Variants in STXBP4 observed in about 807,000 individuals in gnomAD.
The protein encoded by STXBP4 is syntaxin binding protein 4.
STXBP4 carries 55 observed loss-of-function variants against 76.1 expected under a neutral mutation model. The observed-to-expected ratio is 0.72, with a 90% confidence interval of 0.58 to 0.91. The LOEUF (loss-of-function observed/expected upper bound fraction) is 0.91, where lower values mean the gene tolerates loss of function less well. STXBP4 is among the 40% of genes least tolerant of loss of function. The pLI is 0.00. For missense variants in STXBP4, 618 were observed against 636.9 expected (o/e 0.97, Z 0.32); for synonymous variants, 201 against 220.2 (o/e 0.91, Z 0.77).
intron 16 of STXBP4, among the ~76,000 whole-genome samples, chr17:55,113,498 A>G (rs1030344344): frequency 6.6e-6 from 1 of 152,106 alleles, no homozygotes; most frequent in Non-Finnish European, 1.5e-5. Flanking sequence ...GTGACTTTCT[A>G]GTGAGATGTG....
intron 8 of STXBP4, among the ~76,000 whole-genome samples, chr17:55,017,519 A>G (rs2078229757): frequency 6.6e-6 from 1 of 152,234 alleles, no homozygotes; most frequent in Admixed American, 6.5e-5. Flanking sequence ...CCTAGGAGGC[A>G]GGGATCAGAG....
chr17:55,135,172 A>G (rs987416053), intron 16 of STXBP4, among the ~76,000 whole-genome samples: 15 of 152,312 alleles, frequency 9.8e-5, no homozygotes, highest in African/African-American at 3.6e-4. Flanking sequence ...TGACAGATAA[A>G]GTAGACTGTG....
rs2077373999 is a variant in STXBP4 at position 54,970,274 on chromosome 17, A to G, written c.-157+1459A>G. On this transcript the variant is annotated intron_variant, in intron 1 of 17. Coordinates refer to ENST00000376352, the MANE Select transcript of STXBP4 (RefSeq NM_178509.6). ...AGCTATTGGAATGTTTGACACATAC[A>G]AGTGATGTGATCTGACTCACATTTT... is the stretch of plus-strand genomic sequence containing the variant. Among the ~76,000 whole-genome samples the G allele has an allele frequency of 1.3e-5, 2 of 152,216 alleles. 1 individual carries two copies. Among genetic ancestry groups the G allele is most frequent in the South Asian group, 4.1e-4 (2 of 4,830 alleles).
At chr17:55,198,772 T>C in the STXBP4 span, among the ~76,000 whole-genome samples, 3 of 152,196 alleles carry the variant, frequency 2.0e-5, no homozygotes, top group African/African-American at 4.8e-5. Context: ...TCCAAAGACA[T>C]TTACTCCTAA....
Position 54,981,722 on chromosome 17 carries a change from G to A in STXBP4, c.-156-3892G>A, listed in dbSNP as rs114165756. Among the ~76,000 whole-genome samples, 1,024 of 152,078 alleles carry A rather than the reference G, an allele frequency of 6.7e-3. 13 individuals carry two copies. Among genetic ancestry groups the A allele is most frequent in the African/African-American group, 0.021 (887 of 41,474 alleles). The stretch of plus-strand genomic sequence containing the variant: ...TCATAAGTTAGCCACAAACTTTTGT[G>A]TAACAAAAAGCCCATAACCCAGAAG... On this transcript the variant is annotated intron_variant, in intron 1 of 17. Transcript: ENST00000376352.
the STXBP4 span, among the ~76,000 whole-genome samples, chr17:55,189,134 G>C: frequency 6.7e-6 from 1 of 149,770 alleles, no homozygotes; most frequent in East Asian, 2.0e-4. Flanking sequence ...CCAGCAGAAG[G>C]CCTGATGCAA....
At chr17:54,975,208 G>A (rs1472928834) in intron 1 of STXBP4, among the ~76,000 whole-genome samples, 5 of 152,082 alleles carry the variant, frequency 3.3e-5, no homozygotes, top group Admixed American at 1.3e-4. Flanking sequence ...GCATGATCTC[G>A]GCTCACTGCA....
chr17:55,034,741 T>C (rs890814194), intron 10 of STXBP4, among the ~76,000 whole-genome samples: 7 of 152,080 alleles, frequency 4.6e-5, no homozygotes, highest in African/African-American at 1.7e-4. Flanking sequence ...GGTTCCTTTT[T>C]GATTGCTAGT....
intron 7 of STXBP4, among the ~76,000 whole-genome samples, chr17:55,006,241 A>G (rs1249954303): frequency 1.3e-5 from 2 of 152,118 alleles, no homozygotes; most frequent in South Asian, 2.1e-4. Flanking sequence ...AAGATTTTAC[A>G]TAGAATGTTA....
chr17:55,016,763 T>C (rs2078215003), intron 8 of STXBP4, among the ~76,000 whole-genome samples: 1 of 152,238 alleles, frequency 6.6e-6, no homozygotes, highest in African/African-American at 2.4e-5. Context: ...AAGTGAACTA[T>C]CAGTGGTGTT....
rs59163531 is a variant in STXBP4 at position 55,052,916 on chromosome 17, C to CGTGTGTGT, written c.1011+5790_1011+5797dup. Among the ~76,000 whole-genome samples, 135 of 95,702 alleles carry CGTGTGTGT rather than the reference C, an allele frequency of 1.4e-3. 2 individuals carry two copies. The highest frequency in any genetic ancestry group is 3.7e-3 in the African/African-American group (92 of 24,550). The allele number at this position is 95,702 out of a possible 152,430, so 62.8% of individuals were successfully genotyped here. A position where few individuals can be genotyped will look rare whatever the true frequency, so the allele number is the denominator to read the frequency against. On this transcript the variant is annotated intron_variant, in intron 12 of 17. Coordinates refer to ENST00000376352, the MANE Select transcript of STXBP4 (RefSeq NM_178509.6). Reference sequence around the variant, plus strand: ...AAAAAAAAAAAAAAGACGTGTATGACGTGTGTGTGTGTGTGTGTGTGTGTG... The same window carrying CGTGTGTGT: ...AAAAAAAAAAAAAAGACGTGTATGACGTGTGTGTGTGTGTGTGTGTGTGTGTGTGTGTG...
Position 55,156,031 on chromosome 17 carries a change from A to AT in STXBP4, c.1548-3762dup, listed in dbSNP as rs547210513. 1.4e-3 allele frequency among the ~76,000 whole-genome samples: 220 copies of AT among 152,270 alleles called. 7 individuals are homozygous for AT. The South Asian group carries it at 0.044, about 31-fold the overall frequency. ...AGGCAAATAGTATTATGCTTTTGAG[A>AT]TTTTCAAATATATCTGAAGTGCTGT... On this transcript the variant is annotated intron_variant, in intron 17 of 17. Coordinates refer to ENST00000376352, the MANE Select transcript of STXBP4 (RefSeq NM_178509.6).
chr17:55,142,980 T>C lies in STXBP4; in HGVS notation c.1547+1613T>C, dbSNP rs538635353. Among the ~76,000 whole-genome samples, 302 of 152,308 alleles carry C rather than the reference T, an allele frequency of 2.0e-3. 2 individuals carry two copies. The highest frequency in any genetic ancestry group is 5.1e-3 in the African/African-American group (213 of 41,566). On this transcript the variant is annotated intron_variant, in intron 17 of 17. Coordinates refer to ENST00000376352, the MANE Select transcript of STXBP4 (RefSeq NM_178509.6). ...CTGGAAGATTTGAATCACTGTACTGTAGGAATGGCAGGAAAATGAAAAAAT... is the reference window on the plus strand; with the variant it reads ...CTGGAAGATTTGAATCACTGTACTGCAGGAATGGCAGGAAAATGAAAAAAT...
chr17:55,008,124 G>A (rs2078042346), intron 8 of STXBP4, among the ~76,000 whole-genome samples: 1 of 151,514 alleles, frequency 6.6e-6, no homozygotes. Context: ...AGAAACTTAA[G>A]ATGATTAAAA....
chr17:55,081,115 TC>T lies in STXBP4; in HGVS notation c.1424del (p.Pro475GlnfsTer44). 1 of 1,558,420 alleles carries T rather than the reference TC, an allele frequency of 6.4e-7. No individual in the cohort carries two copies. Among genetic ancestry groups the T allele is most frequent in the Non-Finnish European group, 8.6e-7 (1 of 1,156,234 alleles). Reference sequence around the variant, plus strand: ...CCACTGGGAAGGAATGGACGTAGCATCCCAGCAACGCTGGCGCTTGAATCTA... The same window carrying T: ...CCACTGGGAAGGAATGGACGTAGCATCCAGCAACGCTGGCGCTTGAATCTA... ...LTPLGRNGRS[I>X]PATLALESKE... On this transcript the variant is annotated frameshift_variant, in exon 16 of 18. Coordinates refer to ENST00000376352, the MANE Select transcript of STXBP4 (RefSeq NM_178509.6). LOFTEE classifies it high-confidence loss of function.
At chr17:55,180,743 T>C in the STXBP4 span, among the ~76,000 whole-genome samples, 1 of 152,200 alleles carries the variant, frequency 6.6e-6, no homozygotes, top group Admixed American at 6.5e-5. Context: ...TAATGTGATA[T>C]GACAGAAAGC....
the STXBP4 span, among the ~76,000 whole-genome samples, chr17:55,184,461 T>G: frequency 2.0e-5 from 3 of 152,346 alleles, no homozygotes; most frequent in East Asian, 5.8e-4. Context: ...GAAGTCCCCT[T>G]GAGCTCTTCC....
intron 16 of STXBP4, among the ~76,000 whole-genome samples, chr17:55,139,497 A>G (rs1448253554): frequency 6.6e-6 from 1 of 152,152 alleles, no homozygotes; most frequent in Non-Finnish European, 1.5e-5. Context: ...CAAGGTTCTT[A>G]GGTACAGTCA....
At chr17:54,997,543 A>ATATATAT (rs534419565) in intron 4 of STXBP4, among the ~76,000 whole-genome samples, 7 of 145,424 alleles carry the variant, frequency 4.8e-5, no homozygotes, top group Non-Finnish European at 6.0e-5. Flanking sequence ...TAACATAAAT[A>ATATATAT]TATATAATAT....
Sources: allele counts gnomAD v4.1 joint callset (sites outside exome capture counted in the v4.1 genomes callset), GRCh38; gene constraint gnomAD v4.1.1; transcripts MANE v1.5; gene names NCBI Gene and HGNC (gene_info 2026-07-23, HGNC 2026-07-21).